The following CDH12 variants were observed in gnomAD, a reference collection of about 807,000 sequenced individuals.
CDH12 encodes the protein cadherin 12, also known as cadherin-12.
In CDH12, 41 loss-of-function variants were observed where a neutral mutation model predicts 74.1. The observed-to-expected ratio is 0.55, with a 90% confidence interval of 0.43 to 0.72. The LOEUF (loss-of-function observed/expected upper bound fraction) is 0.72, where lower values mean the gene tolerates loss of function less well. Ranked by LOEUF, CDH12 falls within the 30% of genes least tolerant of loss-of-function variation. The probability of loss-of-function intolerance (pLI) is 0.00; values close to 1 mark genes in which losing one functional copy is unlikely to be tolerated. For missense variants in CDH12, 945 were observed against 977.2 expected, an observed-to-expected ratio of 0.97 and a Z score of 0.44; for synonymous variants, 399 against 355.0, an observed-to-expected ratio of 1.12 and a Z score of -1.39.
intron 6 of CDH12, among the ~76,000 whole-genome samples, chr5:21,878,134 A>G (rs925405897): frequency 1.3e-5 from 2 of 152,230 alleles, no homozygotes; most frequent in Non-Finnish European, 2.9e-5. Flanking sequence ...CCTAGCTAAT[A>G]GAGAAAACTT....
chr5:22,353,088 AAAC>A (rs1561337102), intron 3 of CDH12, among the ~76,000 whole-genome samples: 1 of 152,152 alleles, frequency 6.6e-6, no homozygotes, highest in African/African-American at 2.4e-5. Context: ...GAAAACAAAC[AAAC>A]AACAACAAAA....
intron 3 of CDH12, among the ~76,000 whole-genome samples, chr5:22,398,933 G>T (rs900726187): frequency 1.3e-5 from 2 of 152,006 alleles, no homozygotes; most frequent in African/African-American, 4.8e-5. Context: ...GGTACGTTTG[G>T]CTTTCCTTAC....
intron 1 of CDH12, among the ~76,000 whole-genome samples, chr5:22,625,175 G>C (rs780912085): frequency 6.6e-6 from 1 of 152,048 alleles, no homozygotes; most frequent in South Asian, 2.1e-4. Flanking sequence ...TGTGGGGAGC[G>C]GGGAGGGATA....
In CDH12 at chr5:22,515,698, T is replaced by A. The variant is rs140756811; in HGVS notation, c.-522-10334A>T. ...TGATATGTAGTAATGAGAAATTTGATGATCTCTAATTAAAAATTTTTATAT... is the reference window on the plus strand; with the variant it reads ...TGATATGTAGTAATGAGAAATTTGAAGATCTCTAATTAAAAATTTTTATAT... On this transcript the variant is annotated intron_variant, in intron 1 of 14. Coordinates refer to ENST00000382254, the MANE Select transcript of CDH12 (RefSeq NM_004061.5). Among the ~76,000 whole-genome samples the A allele has an allele frequency of 4.5e-3, 680 of 152,230 alleles. 3 individuals carry two copies. The highest frequency in any genetic ancestry group is 0.016 in the African/African-American group (646 of 41,564).
At chr5:22,153,631 A>G (rs1201984846) in intron 4 of CDH12, among the ~76,000 whole-genome samples, 1 of 151,054 alleles carries the variant, frequency 6.6e-6, no homozygotes, top group Non-Finnish European at 1.5e-5. Flanking sequence ...TTACAGTGGT[A>G]TTATCTCTCA....
At chr5:21,760,336 T>G (rs1744646740) in intron 13 of CDH12, among the ~76,000 whole-genome samples, 2 of 152,240 alleles carry the variant, frequency 1.3e-5, no homozygotes, top group South Asian at 4.1e-4. Flanking sequence ...CTTGACTCAT[T>G]GAGAGACTGT....
intron 5 of CDH12, among the ~76,000 whole-genome samples, chr5:22,020,144 T>C (rs1737873064): frequency 6.6e-6 from 1 of 152,094 alleles, no homozygotes; most frequent in East Asian, 1.9e-4. Flanking sequence ...CATAACACTA[T>C]GGAATAATGA....
At chr5:22,217,959 T>C (rs1350362000) in intron 3 of CDH12, among the ~76,000 whole-genome samples, 1 of 151,670 alleles carries the variant, frequency 6.6e-6, no homozygotes, top group East Asian at 1.9e-4. Flanking sequence ...TTTTAGATGA[T>C]GAAAATTCTG....
At chr5:22,794,391 A>C (rs1179188335) in intron 1 of CDH12, among the ~76,000 whole-genome samples, 1 of 152,196 alleles carries the variant, frequency 6.6e-6, no homozygotes, top group African/African-American at 2.4e-5. Flanking sequence ...AGCCAATATA[A>C]TTCTGCACAC....
At chr5:22,526,301 G>A (rs190925509) in intron 1 of CDH12, among the ~76,000 whole-genome samples, 62 of 152,156 alleles carry the variant, frequency 4.1e-4, no homozygotes, top group Admixed American at 7.9e-4. Context: ...GGTCAAATTG[G>A]CATAATGTCA....
intron 4 of CDH12, among the ~76,000 whole-genome samples, chr5:22,153,889 A>AT (rs1561168560): frequency 4.8e-5 from 2 of 42,058 alleles, no homozygotes; most frequent in Non-Finnish European, 5.2e-5. Context: ...TATATATATA[A>AT]ATATATATAT....
intron 8 of CDH12, among the ~76,000 whole-genome samples, chr5:21,830,067 C>T (rs190243402): frequency 2.1e-3 from 316 of 151,396 alleles, no homozygotes; most frequent in Admixed American, 5.1e-3. Context: ...GGTATGTTGG[C>T]GGGTGCCTGT....
intron 6 of CDH12, among the ~76,000 whole-genome samples, chr5:21,865,634 C>A (rs1334029933): frequency 6.6e-6 from 1 of 152,114 alleles, no homozygotes; most frequent in African/African-American, 2.4e-5. Context: ...CCCAGGGGAG[C>A]TTTGACCCAC....
chr5:22,648,433 CT>C (rs1473461981), intron 1 of CDH12, among the ~76,000 whole-genome samples: 5 of 151,800 alleles, frequency 3.3e-5, no homozygotes, highest in Non-Finnish European at 5.9e-5. Context: ...CTGGACAGAT[CT>C]GACTGAGCAA....
intron 6 of CDH12, among the ~76,000 whole-genome samples, chr5:21,961,297 C>T (rs1468007919): frequency 6.6e-6 from 1 of 152,034 alleles, no homozygotes; most frequent in Non-Finnish European, 1.5e-5. Flanking sequence ...TCTGATATTT[C>T]AGCTTATTTT....
intron 1 of CDH12, among the ~76,000 whole-genome samples, chr5:22,760,774 T>G (rs2127055017): frequency 6.6e-6 from 1 of 151,166 alleles, no homozygotes; most frequent in African/African-American, 2.4e-5. Flanking sequence ...AAGAAGATTA[T>G]ATTTTCAAAA....
chr5:21,760,436 C>G lies in CDH12; in HGVS notation c.1633+122G>C, dbSNP rs1465501023. Reference sequence around the variant, plus strand: ...CTACTAGGTACAGAATATTGCCTTTCTCATGTAAGGATCTCATATTTTATG... The same window carrying G: ...CTACTAGGTACAGAATATTGCCTTTGTCATGTAAGGATCTCATATTTTATG... On this transcript the variant is annotated intron_variant, in intron 13 of 14. Coordinates refer to ENST00000382254, the MANE Select transcript of CDH12 (RefSeq NM_004061.5). 26 of 660,508 alleles carry G rather than the reference C, an allele frequency of 3.9e-5. No individual in the cohort carries two copies. The East Asian group carries it at 6.1e-4, about 15-fold the overall frequency. 40.9% of individuals were successfully genotyped at this position (660,508 alleles called of 1,614,324 possible). A position where few individuals can be genotyped will look rare whatever the true frequency, so the allele number is the denominator to read the frequency against.
At chr5:22,278,080 C>T (rs1736720159) in intron 3 of CDH12, 1 of 152,134 alleles carries the variant, frequency 6.6e-6, no homozygotes, top group African/African-American at 2.4e-5. Flanking sequence ...AGAAGAAAGG[C>T]TTTTATTGAT....
chr5:22,623,735 C>T (rs1042739062), intron 1 of CDH12, among the ~76,000 whole-genome samples: 1 of 152,164 alleles, frequency 6.6e-6, no homozygotes, highest in Admixed American at 6.5e-5. Flanking sequence ...AATGGCCATA[C>T]TGCCCAAGGT....
Sources: allele counts gnomAD v4.1 joint callset (sites outside exome capture counted in the v4.1 genomes callset), GRCh38; gene constraint gnomAD v4.1.1; transcripts MANE v1.5; gene names NCBI Gene and HGNC (gene_info 2026-07-23, HGNC 2026-07-21).